RMDN2: variants seen among roughly 807,000 people sequenced by gnomAD.
The protein encoded by RMDN2 is regulator of microtubule dynamics 2, also known as regulator of microtubule dynamics protein 2.
A neutral mutation model predicts 52.8 loss-of-function variants in RMDN2; 61 were observed. That is an observed-to-expected ratio of 1.16 (90% confidence interval 0.94 to 1.43). The LOEUF (loss-of-function observed/expected upper bound fraction) is 1.43. Among genes scored for constraint, RMDN2 ranks in the 40% most tolerant of loss-of-function variants. RMDN2 has a pLI of 0.00. For synonymous variants in RMDN2, 180 were observed against 153.1 expected (o/e 1.18, Z -1.30); for missense variants, 592 against 475.3 (o/e 1.25, Z -2.28).
At chr2:38,063,543 T>C (rs2125310335) in intron 10 of RMDN2, among the ~76,000 whole-genome samples, 1 of 152,100 alleles carries the variant, frequency 6.6e-6, no homozygotes. Flanking sequence ...AAAGCCAAAA[T>C]TGACAAATGG....
At chr2:37,956,663 A>AT (rs1371817032) in intron 2 of RMDN2, among the ~76,000 whole-genome samples, 3 of 141,700 alleles carry the variant, frequency 2.1e-5, no homozygotes, top group African/African-American at 7.9e-5. Context: ...CTTCTTTTTT[A>AT]TTTTTTATTA....
At chr2:37,982,981 A>G (rs1162154524) in intron 5 of RMDN2, among the ~76,000 whole-genome samples, 1 of 152,056 alleles carries the variant, frequency 6.6e-6, no homozygotes, top group Non-Finnish European at 1.5e-5. Context: ...TAGGATGCAG[A>G]AAGAACACCG....
At chr2:37,941,434 C>T (rs1667777925) in intron 2 of RMDN2, among the ~76,000 whole-genome samples, 1 of 152,254 alleles carries the variant, frequency 6.6e-6, no homozygotes, top group Non-Finnish European at 1.5e-5. Context: ...GGTGGGAGAT[C>T]TGCTGCTCTC....
chr2:38,038,143 G>T (rs930768318), intron 10 of RMDN2, among the ~76,000 whole-genome samples: 1 of 151,932 alleles, frequency 6.6e-6, no homozygotes, highest in African/African-American at 2.4e-5. Context: ...AGCACTTCCA[G>T]GCTCCATTTC....
rs978639498 is a variant in RMDN2 at position 38,030,976 on chromosome 2, TAA to T, written c.1713+26771_1713+26772del. Among the ~76,000 whole-genome samples, 9 of 143,724 alleles carry T rather than the reference TAA, an allele frequency of 6.3e-5. No homozygotes were observed. The East Asian group carries it at 1.6e-3, about 25-fold the overall frequency. The allele number at this position is 143,724 out of a possible 152,430, so 94.3% of individuals were successfully genotyped here. A position where few individuals can be genotyped will look rare whatever the true frequency, so the allele number is the denominator to read the frequency against. On this transcript the variant is annotated intron_variant, in intron 10 of 10. Coordinates refer to the RMDN2 transcript ENST00000234195. ...AAGGCAGCTAAAAAAGATAGACTTC[TAA>T]AAAAAAAAAAGACTTCTTGAAATTT...
intron 10 of RMDN2, among the ~76,000 whole-genome samples, chr2:38,059,573 T>C (rs1382049959): frequency 6.6e-6 from 1 of 152,196 alleles, no homozygotes; most frequent in Non-Finnish European, 1.5e-5. Context: ...TTTTATGTGT[T>C]GGGAGCGTAG....
At position 38,047,957 on chromosome 2, in the gene RMDN2, A is replaced by G. The variant is rs1681374839; in HGVS notation, c.1714-19025A>G. ...AAATTTTGTCTGATATTTCTTACCTAAAATACTCTGATCACTCTGACTTTA... is the reference window on the plus strand; with the variant it reads ...AAATTTTGTCTGATATTTCTTACCTGAAATACTCTGATCACTCTGACTTTA... On this transcript the variant is annotated intron_variant, in intron 10 of 10. Coordinates refer to the RMDN2 transcript ENST00000234195. Among the ~76,000 whole-genome samples the G allele has an allele frequency of 2.0e-5, 3 of 152,212 alleles. No homozygotes were observed. In the South Asian group the frequency reaches 6.2e-4, roughly 32 times the overall value.
At chr2:37,944,922 T>C (rs1668099914) in intron 2 of RMDN2, among the ~76,000 whole-genome samples, 1 of 152,188 alleles carries the variant, frequency 6.6e-6, no homozygotes, top group Admixed American at 6.5e-5. Context: ...GAAAAGGGCC[T>C]TTTTAAAAAA....
Position 37,929,406 on chromosome 2 carries a change from T to C in RMDN2, c.129T>C (p.Leu43=). The C allele has an allele frequency of 6.4e-7, 1 of 1,551,420 alleles. No individual in the cohort carries two copies. The highest frequency in any genetic ancestry group is 8.7e-7 in the Non-Finnish European group (1 of 1,146,650). The part of the protein sequence containing the change: ...PGIAMKLPEF[L]SLGNTFNSIT... ...TAGCAATGAAGTTACCTGAATTTCT[T>C]TCTCTGGGTAATACATTTAATTCAA... is the stretch of plus-strand genomic sequence containing the variant. Residue 43 remains leucine, a synonymous_variant, in exon 2 of 11, where the codon CTT becomes CTC. Coordinates refer to ENST00000354545, the MANE Select transcript of RMDN2 (RefSeq NM_001170791.3).
At chr2:37,957,724 C>G (rs1298922741) in intron 2 of RMDN2, among the ~76,000 whole-genome samples, 2 of 152,152 alleles carry the variant, frequency 1.3e-5, no homozygotes, top group African/African-American at 2.4e-5. Flanking sequence ...TTGCCCATGC[C>G]TATGTCCTGA....
rs1674494289 is a variant in RMDN2, at chr2:37,989,634, T to G, written c.867+18T>G. ...TCTTCAAGGTATTTCTTTTTTTTTT[T>G]TCATATTTCTTTTCAGATCCAGACA... On this transcript the variant is annotated intron_variant, in intron 6 of 10. Coordinates refer to ENST00000354545, the MANE Select transcript of RMDN2 (RefSeq NM_001170791.3). The G allele has an allele frequency of 6.6e-7, 1 of 1,526,142 alleles. No homozygotes were observed. Among genetic ancestry groups the G allele is most frequent in the Non-Finnish European group, 9.0e-7 (1 of 1,111,666 alleles). 94.5% of individuals were successfully genotyped at this position (1,526,142 alleles called of 1,614,324 possible). A position where few individuals can be genotyped will look rare whatever the true frequency, so the allele number is the denominator to read the frequency against.
chr2:37,933,613 A>C (rs1440388765), intron 2 of RMDN2, among the ~76,000 whole-genome samples: 2 of 152,272 alleles, frequency 1.3e-5, no homozygotes, highest in African/African-American at 2.4e-5. Flanking sequence ...CCACCAAAAA[A>C]ATACGAAAAC....
Position 37,989,563 on chromosome 2 carries a change from G to A in RMDN2, c.814G>A (p.Val272Ile). Residue 272 changes from valine to isoleucine, a missense_variant, in exon 6 of 11, where the codon GTA becomes ATA. Val to Ile is a conservative substitution (Grantham distance 29). Transcript: ENST00000354545. Reference protein sequence around the residue: ...HLWYAVLCGYVSEFEGLQNKI... With the variant: ...HLWYAVLCGYISEFEGLQNKI... The stretch of plus-strand genomic sequence containing the variant: ...CAGGTATGCAGTTTTGTGTGGCTAT[G>A]TATCTGAGTTTGAGGGTTTACAAAA... 1 of 1,610,988 alleles carries A rather than the reference G, an allele frequency of 6.2e-7. No homozygotes were observed. Among genetic ancestry groups the A allele is most frequent in the Non-Finnish European group, 8.5e-7 (1 of 1,179,014 alleles).
chr2:37,929,953 A>C (rs1216656647), intron 2 of RMDN2, among the ~76,000 whole-genome samples: 2 of 152,256 alleles, frequency 1.3e-5, no homozygotes, highest in Non-Finnish European at 2.9e-5. Flanking sequence ...TACTGGTAGC[A>C]GGTGGTATTA....
intron 10 of RMDN2, among the ~76,000 whole-genome samples, chr2:38,038,687 G>A: frequency 6.6e-6 from 1 of 152,224 alleles, no homozygotes; most frequent in Admixed American, 6.5e-5. Flanking sequence ...CAGGCACCCA[G>A]TAAAAGCCTT....
intron 2 of RMDN2, among the ~76,000 whole-genome samples, chr2:37,969,258 T>C (rs1671483577): frequency 2.0e-5 from 3 of 152,132 alleles, no homozygotes; most frequent in Middle Eastern, 3.4e-3. Context: ...GAAAATTCCA[T>C]TGGAATTTTT....
intron 10 of RMDN2, among the ~76,000 whole-genome samples, chr2:38,044,726 C>G (rs1489794378): frequency 1.3e-5 from 2 of 152,004 alleles, no homozygotes; most frequent in Non-Finnish European, 2.9e-5. Context: ...TTTTTGATTT[C>G]TGGCACTTCC....
At chr2:38,027,160 A>G (rs1051008955) in intron 10 of RMDN2, 1 of 152,266 alleles carries the variant, frequency 6.6e-6, no homozygotes, top group Non-Finnish European at 1.5e-5. Context: ...TGGTCTCCCC[A>G]TAGCCTCAGC....
rs1421473452 is a variant in RMDN2 at position 38,017,362 on chromosome 2, G to A, written c.*123G>A. ...TATTGTGCTTAGATTTGAAGGTAAA[G>A]CCATGTTTCTGCAGAATGCATTCCA... On this transcript the variant is annotated 3_prime_UTR_variant, in exon 11 of 11. Transcript: ENST00000354545. The A allele has an allele frequency of 5.0e-5, 70 of 1,397,146 alleles. No homozygotes were observed. Among genetic ancestry groups the A allele is most frequent in the Non-Finnish European group, 6.1e-5 (65 of 1,070,090 alleles). 86.5% of individuals were successfully genotyped at this position (1,397,146 alleles called of 1,614,324 possible).
Sources: gnomAD v4.1 joint callset for allele counts (sites outside exome capture counted in the v4.1 genomes callset) on GRCh38, gnomAD v4.1.1 for gene constraint, MANE v1.5 for transcripts, NCBI Gene and HGNC (gene_info 2026-07-23, HGNC 2026-07-21) for gene names.